The following NEK4 variants were observed in gnomAD, a reference collection of about 807,000 sequenced individuals.
NEK4 encodes the protein NIMA related kinase 4.
A neutral mutation model predicts 98.4 loss-of-function variants in NEK4; 86 were observed. The observed-to-expected ratio is 0.87, with a 90% CI of 0.73 to 1.05. The LOEUF (loss-of-function observed/expected upper bound fraction) is 1.05. Among genes scored for constraint, NEK4 ranks in the 50% least tolerant of loss-of-function variants. The pLI, the probability that NEK4 is intolerant of heterozygous loss-of-function variation, is 0.00. For missense variants in NEK4, 898 were observed against 950.3 expected (o/e 0.94, Z 0.72); for synonymous variants, 328 against 342.2 (o/e 0.96, Z 0.46).
chr3:52,770,733 G>C lies in NEK4; in HGVS notation c.14C>G (p.Ala5Gly). Reference protein sequence around the residue: MPLAAYCYLRVVGKG... With the variant: MPLAGYCYLRVVGKG... ...GCCCACGACCCGCAGGTAGCAGTAG[G>C]CGGCCAGGGGCATGTTCCCAGCGCT... The change falls in exon 1 of 16, where the codon GCC becomes GGC. Residue 5 changes from alanine to glycine, a missense_variant. Transcript: ENST00000233027. The C allele has an allele frequency of 6.4e-7, 1 of 1,570,124 alleles. No individual in the cohort carries two copies.
At chr3:52,735,342 A>C (rs1488228853) in intron 15 of NEK4, among the ~76,000 whole-genome samples, 1 of 152,200 alleles carries the variant, frequency 6.6e-6, no homozygotes, top group East Asian at 1.9e-4. Context: ...AGAATTTCCA[A>C]TTTGCTATAA....
In NEK4 at chr3:52,746,211, CTTAAATAA is replaced by C. The variant is rs1298660152; in HGVS notation, c.1678-9_1678-2del. The stretch of plus-strand genomic sequence containing the variant: ...AAAATCGAGGAGGCGACTCTTGGAA[CTTAAATAA>C]TTAAAAAAGAAGATTATCAGTTTCA... On this transcript the variant is annotated splice_acceptor_variant and splice_polypyrimidine_tract_variant and intron_variant, in intron 9 of 15. Coordinates refer to ENST00000233027, the MANE Select transcript of NEK4 (RefSeq NM_003157.6). LOFTEE classifies it high-confidence loss of function. 1 of 1,613,284 alleles carries C rather than the reference CTTAAATAA, an allele frequency of 6.2e-7. No homozygotes were observed. The highest frequency in any genetic ancestry group is 1.3e-5 in the African/African-American group (1 of 74,856).
At chr3:52,748,486 C>A (rs2097400105) in intron 8 of NEK4, among the ~76,000 whole-genome samples, 1 of 152,094 alleles carries the variant, frequency 6.6e-6, no homozygotes, top group Admixed American at 6.6e-5. Flanking sequence ...TTTTAAAAAT[C>A]TCCTCATAAC....
chr3:52,763,500 T>C lies in NEK4; in HGVS notation c.791A>G (p.Gln264Arg), dbSNP rs1698433910. 1.2e-6 allele frequency: 2 copies of C among 1,613,622 alleles called. No homozygotes were observed. Residue 264 changes from glutamine (Q) to arginine (R), a missense_variant, in exon 5 of 16, where the codon CAA becomes CGA. Physicochemically the swap from Gln to Arg is conservative, Grantham distance 43. Transcript: ENST00000233027. The part of the protein sequence containing the change: ...SILRQPYIKR[Q>R]ISFFLEATKI... Reference sequence around the variant, plus strand: ...TGTGGCCTCCAAAAAGAAGGAGATTTGCCGCTTTATATAAGGCTGCCTCAG... The same window carrying C: ...TGTGGCCTCCAAAAAGAAGGAGATTCGCCGCTTTATATAAGGCTGCCTCAG...
At chr3:52,713,991 T>C (rs1002972776) in intron 15 of NEK4, among the ~76,000 whole-genome samples, 1 of 152,166 alleles carries the variant, frequency 6.6e-6, no homozygotes, top group African/African-American at 2.4e-5. Context: ...TTCCAGCACT[T>C]TGCAAGGCCA....
chr3:52,734,384 A>G (rs912268616), intron 15 of NEK4, among the ~76,000 whole-genome samples: 1 of 146,252 alleles, frequency 6.8e-6, no homozygotes, highest in Non-Finnish European at 1.5e-5. Context: ...CAGGAGGCGG[A>G]GGTTGCGGTG....
At chr3:52,757,445 C>A (rs1698154539) in intron 6 of NEK4, among the ~76,000 whole-genome samples, 1 of 151,844 alleles carries the variant, frequency 6.6e-6, no homozygotes, top group Admixed American at 6.6e-5. Context: ...GTAATCCCAG[C>A]TACTTGGGAG....
chr3:52,765,178 C>T (rs947753324), intron 4 of NEK4, among the ~76,000 whole-genome samples: 4 of 151,844 alleles, frequency 2.6e-5, no homozygotes, highest in African/African-American at 9.7e-5. Flanking sequence ...TGGTGAAACC[C>T]CGTCTGTACT....
chr3:52,741,304 T>C (rs895995939), intron 13 of NEK4, 107 bp downstream of exon 13: 2 of 616,070 alleles, frequency 3.2e-6, no homozygotes, highest in Non-Finnish European at 5.7e-6. Flanking sequence ...CCATTTATAA[T>C]TTTATCAGTG....
At chr3:52,766,636 T>C (rs1292140764) in intron 2 of NEK4, among the ~76,000 whole-genome samples, 1 of 152,250 alleles carries the variant, frequency 6.6e-6, no homozygotes, top group Non-Finnish European at 1.5e-5. Context: ...CCATCAAAAC[T>C]GTTCCCTGGT....
intron 12 of NEK4, among the ~76,000 whole-genome samples, chr3:52,742,955 A>AT (rs1297970465): frequency 2.0e-5 from 3 of 151,180 alleles, no homozygotes; most frequent in Admixed American, 6.6e-5. Context: ...TTGCCAGGTA[A>AT]TTTTTTTTTC....
chr3:52,754,776 G>A (rs746483842), intron 6 of NEK4: 4 of 351,662 alleles, frequency 1.1e-5, no homozygotes, highest in Non-Finnish European at 2.3e-5. Flanking sequence ...TGGACAGCTT[G>A]AAAAACAAAA....
intron 6 of NEK4, among the ~76,000 whole-genome samples, chr3:52,759,795 T>C (rs961841414): frequency 1.3e-5 from 2 of 152,186 alleles, no homozygotes; most frequent in African/African-American, 4.8e-5. Flanking sequence ...TGCACACTTA[T>C]GTTCATAGCA....
chr3:52,709,197 AG>A lies in NEK4; in HGVS notation c.*2579del. The A allele has an allele frequency of 6.6e-6, 1 of 151,760 alleles. No individual in the cohort carries two copies. The highest frequency in any genetic ancestry group is 1.5e-5 in the Non-Finnish European group (1 of 67,962). 9.4% of individuals were successfully genotyped at this position (151,760 alleles called of 1,614,324 possible). On this transcript the variant is annotated 3_prime_UTR_variant, in exon 16 of 16. Transcript: ENST00000233027. ...ACTCCATCTCAAAAAAAAAAAAAAA[AG>A]AATGATTGACATTTTAGAACCAATG...
intron 15 of NEK4, among the ~76,000 whole-genome samples, chr3:52,725,639 T>C (rs930774461): frequency 6.6e-6 from 1 of 152,160 alleles, no homozygotes; most frequent in African/African-American, 2.4e-5. Context: ...TTATTGAAGT[T>C]AAGCTGGCAT....
intron 5 of NEK4, among the ~76,000 whole-genome samples, chr3:52,761,501 GTC>G (rs1698355809): frequency 6.6e-6 from 1 of 152,084 alleles, no homozygotes; most frequent in Non-Finnish European, 1.5e-5. Context: ...GGCCAGGCTG[GTC>G]TTAAACTCCT....
chr3:52,741,236 C>CAA (rs35123782), intron 13 of NEK4, among the ~76,000 whole-genome samples, 175 bp downstream of exon 13: 377 of 58,780 alleles, frequency 6.4e-3, no homozygotes, highest in African/African-American at 0.011. Flanking sequence ...AACTCCGTCT[C>CAA]AAAAAAAAAA....
At position 52,765,899 on chromosome 3, in the gene NEK4, A is replaced by T; in HGVS notation, c.654T>A (p.Ile218=). ...GATTATTCTTTACCTTTCCTTCAAT[A>T]ATCCGATAAACTAAAGAATTCATAT... ...AKDMNSLVYR[I]IEGKLPPMPR... is the part of the protein sequence containing the mutation. The change falls in exon 4 of 16, where the codon ATT becomes ATA. Residue 218 remains isoleucine, a synonymous_variant. Transcript: ENST00000233027. 6.3e-7 allele frequency: 1 copy of T among 1,595,260 alleles called. No individual in the cohort carries two copies. Among genetic ancestry groups the T allele is most frequent in the Non-Finnish European group, 8.6e-7 (1 of 1,163,142 alleles).
chr3:52,736,448 T>C (rs2097376052), intron 15 of NEK4, among the ~76,000 whole-genome samples: 1 of 152,084 alleles, frequency 6.6e-6, no homozygotes, highest in African/African-American at 2.4e-5. Context: ...TAGCCAAGCG[T>C]GGTGGTGGGC....
Sources: gnomAD v4.1 joint callset for allele counts (sites outside exome capture counted in the v4.1 genomes callset) on GRCh38, gnomAD v4.1.1 for gene constraint, MANE v1.5 for transcripts, NCBI Gene and HGNC (gene_info 2026-07-23, HGNC 2026-07-21) for gene names.